KCNG2: variants seen among roughly 807,000 people sequenced by gnomAD.
KCNG2 encodes potassium voltage-gated channel modifier subfamily G member 2.
In KCNG2, 7 loss-of-function variants were observed where a neutral mutation model predicts 12.3. That is an observed-to-expected ratio of 0.57 (90% CI 0.32 to 1.07). KCNG2 has a LOEUF of 1.07. Among genes scored for constraint, KCNG2 ranks in the 50% least tolerant of loss-of-function variants. The pLI, the probability that KCNG2 is intolerant of heterozygous loss-of-function variation, is 0.04. For missense variants in KCNG2, 703 were observed against 726.0 expected (o/e 0.97, Z 0.36); for synonymous variants, 414 against 351.4 (o/e 1.18, Z -1.99).
chr18:79,819,271 C>A (rs917182233), intron 1 of KCNG2, among the ~76,000 whole-genome samples: 2 of 152,220 alleles, frequency 1.3e-5, no homozygotes, highest in Non-Finnish European at 2.9e-5. Context: ...CAGGACACCA[C>A]GGAGCAGCTC....
chr18:79,873,205 C>T (rs1255741819), intron 3 of KCNG2, among the ~76,000 whole-genome samples: 1 of 152,204 alleles, frequency 6.6e-6, no homozygotes, highest in Admixed American at 6.5e-5. Flanking sequence ...CTCGGGGGAC[C>T]ACCCTCTCCA....
At chr18:79,898,051 C>A (rs1034768993) in intron 3 of KCNG2, among the ~76,000 whole-genome samples, 1 of 152,206 alleles carries the variant, frequency 6.6e-6, no homozygotes, top group Non-Finnish European at 1.5e-5. Flanking sequence ...TCCCCGGCAC[C>A]TTAGCCAGCG....
rs1339062999 is a variant in KCNG2 at position 79,801,793 on chromosome 18, T to C, written c.-115+3779T>C. ...CTGTGTGGTCCTAGTTGTTCCTGGC[T>C]GAGCTCCTGGGTGCGGCACACAGAG... On this transcript the variant is annotated intron_variant, in intron 1 of 3. Coordinates refer to ENST00000316249, the MANE Select transcript of KCNG2 (RefSeq NM_012283.2). Among the ~76,000 whole-genome samples the C allele has an allele frequency of 2.6e-5, 4 of 152,372 alleles. No individual in the cohort carries two copies. The East Asian group carries it at 7.7e-4, about 29-fold the overall frequency.
At chr18:79,818,268 A>G (rs980445008) in intron 1 of KCNG2, among the ~76,000 whole-genome samples, 2 of 152,312 alleles carry the variant, frequency 1.3e-5, no homozygotes, top group South Asian at 4.1e-4. Context: ...GCACAGATGG[A>G]AACAGCTGAG....
At chr18:79,840,651 G>A (rs1393787592) in intron 1 of KCNG2, among the ~76,000 whole-genome samples, 1 of 152,136 alleles carries the variant, frequency 6.6e-6, no homozygotes, top group Admixed American at 6.6e-5. Context: ...TGGAAAAGAA[G>A]AATAAAGTGG....
chr18:79,890,156 C>T (rs1354329231), intron 3 of KCNG2, among the ~76,000 whole-genome samples: 2 of 152,056 alleles, frequency 1.3e-5, no homozygotes, highest in Non-Finnish European at 2.9e-5. Context: ...TCGGTATTCA[C>T]GTGTGGTTTT....
Position 79,863,691 on chromosome 18 carries a change from G to GGGT in KCNG2, c.26_27insTGG (p.Gly13dup). ...GCATGGAGCCATGGCCCTGCTCCCC[G>GGGT]GGCGGCGGCGGCGGGACCCGCGCCC... On this transcript the variant is annotated inframe_insertion, in exon 3 of 4. Transcript: ENST00000316249. 4 of 1,174,608 alleles carry GGGT rather than the reference G, an allele frequency of 3.4e-6. No homozygotes were observed. The highest frequency in any genetic ancestry group is 3.2e-6 in the Non-Finnish European group (3 of 944,752). 72.8% of individuals were successfully genotyped at this position (1,174,608 alleles called of 1,614,324 possible). A position where few individuals can be genotyped will look rare whatever the true frequency, so the allele number is the denominator to read the frequency against.
intron 1 of KCNG2, among the ~76,000 whole-genome samples, chr18:79,847,898 T>C (rs1336575559): frequency 6.6e-6 from 1 of 152,252 alleles, no homozygotes; most frequent in Non-Finnish European, 1.5e-5. Context: ...AGCCACAATT[T>C]AATTTAAACT....
At chr18:79,894,592 C>G (rs1033145035) in intron 3 of KCNG2, among the ~76,000 whole-genome samples, 1 of 146,086 alleles carries the variant, frequency 6.8e-6, no homozygotes, top group East Asian at 2.0e-4. Flanking sequence ...GGGTTGTTCA[C>G]TCCATTCACA....
At chr18:79,871,728 G>C (rs1438528229) in intron 3 of KCNG2, among the ~76,000 whole-genome samples, 9 of 152,208 alleles carry the variant, frequency 5.9e-5, no homozygotes, top group Non-Finnish European at 8.8e-5. Flanking sequence ...CAGAGCCTCT[G>C]CGTCCGTCTG....
intron 3 of KCNG2, among the ~76,000 whole-genome samples, chr18:79,893,698 T>C (rs964574731): frequency 2.0e-5 from 3 of 152,186 alleles, no homozygotes; most frequent in African/African-American, 7.2e-5. Flanking sequence ...CTGCTTTTGA[T>C]TGGGTTGTTC....
At chr18:79,825,683 T>C (rs1415769560) in intron 1 of KCNG2, among the ~76,000 whole-genome samples, 1 of 152,246 alleles carries the variant, frequency 6.6e-6, no homozygotes, top group Non-Finnish European at 1.5e-5. Context: ...AATCACGCTG[T>C]CATTTCATAG....
intron 3 of KCNG2, among the ~76,000 whole-genome samples, chr18:79,881,965 CTT>C (rs1234998607): frequency 2.0e-5 from 3 of 152,176 alleles, no homozygotes; most frequent in Admixed American, 6.5e-5. Flanking sequence ...AAAGAATCGT[CTT>C]TTCAACAAAT....
chr18:79,810,919 C>T (rs1034690566), intron 1 of KCNG2, among the ~76,000 whole-genome samples: 1 of 152,148 alleles, frequency 6.6e-6, no homozygotes, highest in African/African-American at 2.4e-5. Context: ...ATACTCAAAA[C>T]TCAGCGTGTT....
At position 79,839,393 on chromosome 18, in the gene KCNG2, C is replaced by T. The variant is rs1238919265; in HGVS notation, c.-114-16986C>T. 2.0e-5 allele frequency among the ~76,000 whole-genome samples: 3 copies of T among 152,204 alleles called. 1 individual carries two copies. The highest frequency in any genetic ancestry group is 2.0e-4 in the Admixed American group (3 of 15,278). ...GTCAGGAACAAAATAGAGGACATAA[C>T]TGCATACCCTGTAGACATCAGAAGT... On this transcript the variant is annotated intron_variant, in intron 1 of 3. Transcript: ENST00000316249.
At chr18:79,860,725 T>C (rs960717686) in intron 2 of KCNG2, among the ~76,000 whole-genome samples, 1 of 152,200 alleles carries the variant, frequency 6.6e-6, no homozygotes, top group Non-Finnish European at 1.5e-5. Flanking sequence ...TTTAAGGTTT[T>C]CTGTACATAA....
In KCNG2 at chr18:79,829,853, A is replaced by G. The variant is rs568278624; in HGVS notation, c.-114-26526A>G. Among the ~76,000 whole-genome samples the G allele has an allele frequency of 3.3e-5, 5 of 152,294 alleles. No individual in the cohort carries two copies. The East Asian group carries it at 9.6e-4, about 29-fold the overall frequency. On this transcript the variant is annotated intron_variant, in intron 1 of 3. Transcript: ENST00000316249. The stretch of plus-strand genomic sequence containing the variant: ...CATCGTTCTTACATTTCAGGGTGTG[A>G]TACTCCCATCTGTCTAACTTGTTAG...
intron 3 of KCNG2, among the ~76,000 whole-genome samples, chr18:79,887,156 AC>A (rs2123118972): frequency 6.7e-6 from 1 of 149,856 alleles, no homozygotes; most frequent in East Asian, 1.9e-4. Flanking sequence ...GGACACGGGG[AC>A]AGAGGGACAA....
intron 3 of KCNG2, among the ~76,000 whole-genome samples, chr18:79,866,332 G>GAA (rs1979542868): frequency 7.0e-6 from 1 of 142,944 alleles, no homozygotes; most frequent in African/African-American, 2.6e-5. Context: ...TGGGTGCTGA[G>GAA]GTCTGTGTGC....
Sources: allele counts gnomAD v4.1 joint callset (sites outside exome capture counted in the v4.1 genomes callset), GRCh38; gene constraint gnomAD v4.1.1; transcripts MANE v1.5; gene names NCBI Gene and HGNC (gene_info 2026-07-23, HGNC 2026-07-21).